The following PRDM16 variants were observed in gnomAD, a reference collection of about 807,000 sequenced individuals.
The protein encoded by PRDM16 is histone-lysine N-methyltransferase PRDM16.
A neutral mutation model predicts 110.6 loss-of-function variants in PRDM16; 23 were observed. That is an observed-to-expected ratio of 0.21 (90% CI 0.15 to 0.29). The LOEUF (loss-of-function observed/expected upper bound fraction) is 0.29. PRDM16 is among the 10% of genes least tolerant of loss of function. The pLI is 1.00. For synonymous variants in PRDM16, 799 were observed against 781.8 expected, an observed-to-expected ratio of 1.02 and a Z score of -0.37; for missense variants, 1,615 against 1,794.3, an observed-to-expected ratio of 0.90 and a Z score of 1.81.
intron 3 of PRDM16, among the ~76,000 whole-genome samples, chr1:3,278,370 A>G (rs1640637748): frequency 6.6e-6 from 1 of 152,198 alleles, no homozygotes; most frequent in African/African-American, 2.4e-5. Flanking sequence ...CTGGATGGCA[A>G]ACAGGGAGCT....
chr1:3,299,006 T>C (rs541718420), intron 3 of PRDM16, among the ~76,000 whole-genome samples: 25 of 152,330 alleles, frequency 1.6e-4, no homozygotes, highest in Non-Finnish European at 2.4e-4. Context: ...GTAAATGGAC[T>C]TCCTGGAATT....
At chr1:3,334,404 C>T (rs1642103657) in intron 3 of PRDM16, among the ~76,000 whole-genome samples, 1 of 152,180 alleles carries the variant, frequency 6.6e-6, no homozygotes, top group Non-Finnish European at 1.5e-5. Context: ...ATAACCCACC[C>T]CCCCACATTC....
intron 6 of PRDM16, 122 bp downstream of exon 6, chr1:3,403,120 G>A (rs1310260399): frequency 3.2e-6 from 3 of 930,628 alleles, no homozygotes; most frequent in South Asian, 3.0e-5. Flanking sequence ...CCCCCAACAG[G>A]TGTAGACAAA....
chr1:3,077,617 C>T (rs1240497210), intron 1 of PRDM16, among the ~76,000 whole-genome samples: 1 of 152,194 alleles, frequency 6.6e-6, no homozygotes, highest in Non-Finnish European at 1.5e-5. Context: ...ACAATGTCTC[C>T]TCCAATCAGC....
intron 1 of PRDM16, among the ~76,000 whole-genome samples, chr1:3,122,905 C>T (rs924567365): frequency 6.6e-6 from 1 of 152,166 alleles, no homozygotes; most frequent in African/African-American, 2.4e-5. Flanking sequence ...AGGACTGGAG[C>T]GCGGGAAGGG....
intron 1 of PRDM16, among the ~76,000 whole-genome samples, chr1:3,096,802 C>G (rs533721352): frequency 6.6e-6 from 1 of 152,322 alleles, no homozygotes; most frequent in East Asian, 1.9e-4. Flanking sequence ...CCTCAGTTTT[C>G]CCAGTGCCTG....
At chr1:3,184,457 G>A (rs1256154313) in intron 1 of PRDM16, among the ~76,000 whole-genome samples, 2 of 152,192 alleles carry the variant, frequency 1.3e-5, no homozygotes, top group African/African-American at 4.8e-5. Flanking sequence ...GGGTCCTCGA[G>A]GCAGCCACAG....
At position 3,282,544 on chromosome 1, in the gene PRDM16, C is replaced by T. The variant is rs192357637; in HGVS notation, c.438+38407C>T. 2.6e-5 allele frequency among the ~76,000 whole-genome samples: 4 copies of T among 152,316 alleles called. No homozygotes were observed. In the East Asian group the frequency reaches 7.7e-4, roughly 29 times the overall value. ...CCCTGATGCTGCTCCATGCACACCT[C>T]TCACCACGATTCAATCCACCTGAGG... On this transcript the variant is annotated intron_variant, in intron 3 of 16. Transcript: ENST00000270722.
intron 1 of PRDM16, among the ~76,000 whole-genome samples, chr1:3,078,270 G>GCTCCCT (rs1557429334): frequency 1.3e-5 from 2 of 152,168 alleles, no homozygotes; most frequent in Non-Finnish European, 2.9e-5. Context: ...CATGCTAGGG[G>GCTCCCT]CCCACCTGGA....
intron 3 of PRDM16, among the ~76,000 whole-genome samples, chr1:3,324,135 A>G (rs894011933): frequency 1.3e-5 from 2 of 151,718 alleles, no homozygotes; most frequent in African/African-American, 4.9e-5. Context: ...TGATGCCGCC[A>G]AGAGGGAGCA....
intron 3 of PRDM16, among the ~76,000 whole-genome samples, chr1:3,281,279 A>C (rs1640706567): frequency 6.6e-6 from 1 of 152,178 alleles, no homozygotes; most frequent in Admixed American, 6.5e-5. Flanking sequence ...GGCTGCTGAG[A>C]CGCTCCCTTC....
rs77942741 is a variant in PRDM16, at chr1:3,320,987, G to A, written c.439-64165G>A. ...CCCAAGCACCCGAGGGAGACGAAAC[G>A]CGTGCCCTTCCTCATGGAGCCTGAC... On this transcript the variant is annotated intron_variant, in intron 3 of 16. Coordinates refer to ENST00000270722, the MANE Select transcript of PRDM16 (RefSeq NM_022114.4). Among the ~76,000 whole-genome samples, 1,152 of 152,346 alleles carry A rather than the reference G, an allele frequency of 7.6e-3. 17 individuals are homozygous for A. The highest frequency in any genetic ancestry group is 0.026 in the African/African-American group (1,090 of 41,574).
Position 3,243,960 on chromosome 1 carries a change from G to A in PRDM16, c.388-127G>A. The stretch of plus-strand genomic sequence containing the variant: ...AATGGAACCCTTCATTTCCTGCTGT[G>A]GAGAAGCCACTGGGTCCCACCCTGT... On this transcript the variant is annotated intron_variant, in intron 2 of 16. Transcript: ENST00000270722. The surrounding 1 kb of genome is among the most constrained non-coding windows in gnomAD (Gnocchi z 5.5). The A allele has an allele frequency of 3.5e-6, 3 of 860,208 alleles. No individual in the cohort carries two copies. The South Asian group carries it at 4.4e-5, about 13-fold the overall frequency. 53.3% of individuals were successfully genotyped at this position (860,208 alleles called of 1,614,324 possible). A position where few individuals can be genotyped will look rare whatever the true frequency, so the allele number is the denominator to read the frequency against.
rs1021623982 is a variant in PRDM16, at chr1:3,437,059, C to T, written c.*3248C>T. ...GTTCCTCCTCTGTGGGCCTGGCAGA[C>T]CCTTCATGAGTGGGACCCAAGATAT... is the stretch of plus-strand genomic sequence containing the variant. On this transcript the variant is annotated 3_prime_UTR_variant, in exon 17 of 17. Coordinates refer to ENST00000270722, the MANE Select transcript of PRDM16 (RefSeq NM_022114.4). 1.3e-5 allele frequency: 3 copies of T among 232,926 alleles called. No homozygotes were observed. Among genetic ancestry groups the T allele is most frequent in the Non-Finnish European group, 2.5e-5 (3 of 117,878 alleles). The allele number at this position is 232,926 out of a possible 1,614,324, so 14.4% of individuals were successfully genotyped here. A position where few individuals can be genotyped will look rare whatever the true frequency, so the allele number is the denominator to read the frequency against.
At chr1:3,254,010 T>C (rs1639996407) in intron 3 of PRDM16, among the ~76,000 whole-genome samples, 1 of 152,246 alleles carries the variant, frequency 6.6e-6, no homozygotes, top group African/African-American at 2.4e-5. Flanking sequence ...ATGTCTTCTT[T>C]TGAGAAGTGT....
chr1:3,403,896 G>A (rs902893035), intron 6 of PRDM16, among the ~76,000 whole-genome samples: 32 of 152,192 alleles, frequency 2.1e-4, no homozygotes, highest in Admixed American at 1.3e-3. Context: ...CCCTGGGGAC[G>A]GCAAACCCTC....
chr1:3,352,253 G>T (rs1052076168), intron 3 of PRDM16, among the ~76,000 whole-genome samples: 4 of 152,132 alleles, frequency 2.6e-5, no homozygotes, highest in African/African-American at 9.6e-5. Context: ...CAGCCGTGCT[G>T]CCCCCACCTG....
intron 3 of PRDM16, among the ~76,000 whole-genome samples, chr1:3,313,328 G>C (rs540413825): frequency 1.3e-5 from 2 of 152,348 alleles, no homozygotes; most frequent in South Asian, 4.1e-4. Context: ...TGAGTCAGAA[G>C]GGGAGAGCTG....
At chr1:3,323,823 G>A (rs752343006) in intron 3 of PRDM16, among the ~76,000 whole-genome samples, 102 of 152,368 alleles carry the variant, frequency 6.7e-4, no homozygotes, top group Non-Finnish European at 1.5e-4. Flanking sequence ...ACAATGTGAC[G>A]GCTTATGTAA....
Sources: gnomAD v4.1 joint callset for allele counts (sites outside exome capture counted in the v4.1 genomes callset) on GRCh38, gnomAD v4.1.1 for gene constraint, Gnocchi (gnomAD v3.1) non-coding constraint, MANE v1.5 for transcripts, NCBI Gene and HGNC (gene_info 2026-07-23, HGNC 2026-07-21) for gene names.